The following RASAL2 variants were observed in gnomAD, a reference collection of about 807,000 sequenced individuals.
RASAL2 encodes ras GTPase-activating protein nGAP.
Under a neutral mutation model 128.9 loss-of-function variants are expected in RASAL2, and 58 were observed. That is an observed-to-expected ratio of 0.45 (90% CI 0.36 to 0.56). The LOEUF is 0.56. Ranked by LOEUF, RASAL2 falls within the 20% of genes least tolerant of loss-of-function variation. The pLI, the probability that RASAL2 is intolerant of heterozygous loss-of-function variation, is 0.00. For missense variants in RASAL2, 1,360 were observed against 1,601.6 expected (o/e 0.85, Z 2.57); for synonymous variants, 561 against 580.8 (o/e 0.97, Z 0.49).
rs1288608422 is a variant in RASAL2 at position 178,181,764 on chromosome 1, A to C, written c.202+87070A>C. ...GATAAGGTTTTGTAAAAGTACCTCA[A>C]CTGGGATTTGCAGTTTTTTTTTTTT... is the stretch of plus-strand genomic sequence containing the variant. On this transcript the variant is annotated intron_variant, in intron 1 of 17. Transcript: ENST00000367649. Among the ~76,000 whole-genome samples, 3 of 149,716 alleles carry C rather than the reference A, an allele frequency of 2.0e-5. No individual in the cohort carries two copies. The Middle Eastern group carries it at 0.01, about 523-fold the overall frequency.
chr1:178,142,559 G>C (rs891804038), intron 1 of RASAL2, among the ~76,000 whole-genome samples: 1 of 152,152 alleles, frequency 6.6e-6, no homozygotes, highest in African/African-American at 2.4e-5. Flanking sequence ...TCTTAGTAAG[G>C]CTAAAGGCAA....
At chr1:178,246,675 C>G (rs1664779460) in intron 1 of RASAL2, among the ~76,000 whole-genome samples, 1 of 152,032 alleles carries the variant, frequency 6.6e-6, no homozygotes, top group African/African-American at 2.4e-5. Flanking sequence ...CCAGTTTTTG[C>G]CCATTCAGTA....
Position 178,151,087 on chromosome 1 carries a change from A to G in RASAL2, c.202+56393A>G, listed in dbSNP as rs553931873. On this transcript the variant is annotated intron_variant, in intron 1 of 17. Coordinates refer to ENST00000367649, the MANE Select transcript of RASAL2 (RefSeq NM_170692.4). Reference sequence around the variant, plus strand: ...ACTGTTGACCATGAGTTCAATGTTAATGAATCAACAATATAAAATAAGGTG... The same window carrying G: ...ACTGTTGACCATGAGTTCAATGTTAGTGAATCAACAATATAAAATAAGGTG... Among the ~76,000 whole-genome samples, 12 of 152,290 alleles carry G rather than the reference A, an allele frequency of 7.9e-5. No individual in the cohort carries two copies. In the South Asian group the frequency reaches 1.2e-3, roughly 16 times the overall value.
At chr1:178,211,232 T>C (rs1663245114) in intron 1 of RASAL2, among the ~76,000 whole-genome samples, 1 of 152,196 alleles carries the variant, frequency 6.6e-6, no homozygotes, top group Admixed American at 6.5e-5. Flanking sequence ...TTGTTTCATA[T>C]GTGAAGTCTT....
intron 3 of RASAL2, among the ~76,000 whole-genome samples, chr1:178,345,174 C>T (rs142225702): frequency 1.4e-3 from 220 of 152,210 alleles, no homozygotes; most frequent in African/African-American, 4.4e-3. Flanking sequence ...GTTAATAATA[C>T]GACTCTATAG....
At chr1:178,464,838 T>G (rs1396916527) in intron 15 of RASAL2, among the ~76,000 whole-genome samples, 5 of 143,176 alleles carry the variant, frequency 3.5e-5, no homozygotes, top group Non-Finnish European at 6.1e-5. Flanking sequence ...GTTGTTTTTT[T>G]TTTTTTTTTT....
In RASAL2 at chr1:178,256,289, C is replaced by T. The variant is rs182078426; in HGVS notation, c.203-27275C>T. ...TTCCAATAAACACAGAAAGAGCATT[C>T]GATGAGATTCAACACCTTTCATGAT... On this transcript the variant is annotated intron_variant, in intron 1 of 17. Coordinates refer to ENST00000367649, the MANE Select transcript of RASAL2 (RefSeq NM_170692.4). Among the ~76,000 whole-genome samples the T allele has an allele frequency of 4.6e-5, 7 of 152,208 alleles. No homozygotes were observed. In the East Asian group the frequency reaches 1.2e-3, roughly 25 times the overall value.
chr1:178,419,797 AG>A (rs1290700253), intron 4 of RASAL2, among the ~76,000 whole-genome samples: 3 of 152,204 alleles, frequency 2.0e-5, no homozygotes, highest in Non-Finnish European at 2.9e-5. Context: ...GGAGGCAGGC[AG>A]GGGCCATAGA....
intron 1 of RASAL2, among the ~76,000 whole-genome samples, chr1:178,116,556 ACTT>A (rs1558061991): frequency 6.6e-6 from 1 of 152,038 alleles, no homozygotes; most frequent in East Asian, 1.9e-4. Flanking sequence ...AGGAGGAACT[ACTT>A]CAGTTAAATA....
In RASAL2 at chr1:178,442,957, A is replaced by G; in HGVS notation, c.1210A>G (p.Ser404Gly). 6.2e-7 allele frequency: 1 copy of G among 1,614,074 alleles called. No homozygotes were observed. Among genetic ancestry groups the G allele is most frequent in the Admixed American group, 1.7e-5 (1 of 59,962 alleles). The change falls in exon 8 of 18, where the codon AGT (serine) becomes GGT (glycine). Residue 404 changes from serine (S) to glycine (G), a missense_variant. This residue lies in a region of RASAL2 where 617 missense variants were observed against 714.2 expected (regional missense o/e 0.86). Coordinates refer to ENST00000367649, the MANE Select transcript of RASAL2 (RefSeq NM_170692.4). ...YVGLVNIPTA[S>G]VTGRQFVEKW... Reference sequence around the variant, plus strand: ...AGGGCTAGTCAACATCCCCACTGCCAGTGTGACTGGTCGCCAATTTGTAGA... The same window carrying G: ...AGGGCTAGTCAACATCCCCACTGCCGGTGTGACTGGTCGCCAATTTGTAGA...
intron 1 of RASAL2, among the ~76,000 whole-genome samples, chr1:178,227,190 C>T (rs975631170): frequency 2.6e-5 from 4 of 151,334 alleles, no homozygotes; most frequent in Non-Finnish European, 4.4e-5. Flanking sequence ...AGCAAACTTC[C>T]AGTTTAAAAA....
intron 1 of RASAL2, among the ~76,000 whole-genome samples, chr1:178,236,826 C>T (rs1378703208): frequency 4.3e-5 from 6 of 140,786 alleles, no homozygotes; most frequent in Non-Finnish European, 6.0e-5. Context: ...GCCAGTGGTG[C>T]GATCTCGGCT....
chr1:178,419,005 G>A (rs1012847926), intron 4 of RASAL2, among the ~76,000 whole-genome samples: 9 of 152,130 alleles, frequency 5.9e-5, no homozygotes, highest in East Asian at 1.9e-4. Flanking sequence ...TTTATGCCAC[G>A]AAGATTAGGG....
At chr1:178,117,313 A>C (rs1387806924) in intron 1 of RASAL2, among the ~76,000 whole-genome samples, 1 of 152,168 alleles carries the variant, frequency 6.6e-6, no homozygotes, top group Non-Finnish European at 1.5e-5. Context: ...GATGAACTCA[A>C]CTCTAACCAT....
At position 178,473,310 on chromosome 1, in the gene RASAL2, C is replaced by A. The variant is rs1648448903; in HGVS notation, c.*71C>A. 1.9e-6 allele frequency: 3 copies of A among 1,556,038 alleles called. No homozygotes were observed. Among genetic ancestry groups the A allele is most frequent in the Admixed American group, 1.7e-5 (1 of 57,200 alleles). On this transcript the variant is annotated 3_prime_UTR_variant, in exon 18 of 18. Transcript: ENST00000367649. ...CCTATCTCCAGACCTTTACCTAGCC[C>A]CTCCAGGTTTACAGAATGTTGCTAC...
chr1:178,390,570 G>A (rs530311640), intron 4 of RASAL2, among the ~76,000 whole-genome samples: 167 of 152,072 alleles, frequency 1.1e-3, no homozygotes, highest in African/African-American at 3.3e-3. Flanking sequence ...GTAGAGGCGG[G>A]GTTTTACCAC....
chr1:178,243,216 G>T (rs533474159), intron 1 of RASAL2, among the ~76,000 whole-genome samples: 3 of 152,232 alleles, frequency 2.0e-5, no homozygotes, highest in Non-Finnish European at 2.9e-5. Context: ...CAGAGATTTT[G>T]CAGTACTATT....
chr1:178,440,349 A>G (rs893855020), intron 6 of RASAL2, among the ~76,000 whole-genome samples: 3 of 152,048 alleles, frequency 2.0e-5, no homozygotes, highest in South Asian at 2.1e-4. Flanking sequence ...AGCACTGTCC[A>G]AAAGAAATAT....
chr1:178,164,823 TTGTGTGTGTGTGTGTGTGTGTGTGTG>T (rs200932615), intron 1 of RASAL2, among the ~76,000 whole-genome samples: 4 of 131,902 alleles, frequency 3.0e-5, no homozygotes, highest in Non-Finnish European at 6.6e-5. Context: ...CATCAAACGT[TTGTGTGTGTGTGTGTGTGTGTGTGTG>T]TGTGTGTGTG....
Sources: gnomAD v4.1 joint callset for allele counts (sites outside exome capture counted in the v4.1 genomes callset) on GRCh38, gnomAD v4.1.1 for gene constraint, gnomAD v4.1.1 regional missense constraint, MANE v1.5 for transcripts, NCBI Gene and HGNC (gene_info 2026-07-23, HGNC 2026-07-21) for gene names.